ATM: variants seen among roughly 807,000 people sequenced by gnomAD.
ATM encodes the protein serine-protein kinase ATM.
Under a neutral mutation model 387.0 loss-of-function variants are expected in ATM, and 308 were observed. The ratio of observed to expected loss-of-function variants is 0.80; its 90% confidence interval spans 0.73 to 0.87. The LOEUF (loss-of-function observed/expected upper bound fraction) is 0.87. Ranked by LOEUF, ATM falls within the 40% of genes least tolerant of loss-of-function variation. ATM has a pLI of 0.00. For synonymous variants in ATM, 1,156 were observed against 1,187.3 expected (o/e 0.97, Z 0.54); for missense variants, 3,312 against 3,560.9 (o/e 0.93, Z 1.78).
At chr11:108,291,566 T>G (rs1320378519) in intron 29 of ATM, among the ~76,000 whole-genome samples, 1 of 152,208 alleles carries the variant, frequency 6.6e-6, no homozygotes, top group Non-Finnish European at 1.5e-5. Context: ...CTCAATGAAT[T>G]TGCCTATTGT....
chr11:108,273,603 A>G (rs1437092676), intron 22 of ATM, among the ~76,000 whole-genome samples: 1 of 151,648 alleles, frequency 6.6e-6, no homozygotes, highest in Non-Finnish European at 1.5e-5. Flanking sequence ...TGTCCTCCCA[A>G]AGTGCTGAGA....
chr11:108,250,582 A>G (rs866230078), intron 9 of ATM, 119 bp from the exon 10 acceptor site: 43 of 1,133,516 alleles, frequency 3.8e-5, no homozygotes, highest in African/African-American at 6.3e-5. Context: ...TTAGAGTACT[A>G]TGGAAATGAT....
intron 56 of ATM, 108 bp from the exon 57 acceptor site, chr11:108,343,114 A>T: frequency 7.2e-7 from 1 of 1,380,474 alleles, no homozygotes; most frequent in Non-Finnish European, 1.0e-6. Flanking sequence ...GAGAAATATT[A>T]ATACAACTTG....
chr11:108,353,950 T>A (rs2089541245), intron 60 of ATM, 70 bp downstream of exon 60: 1 of 1,441,114 alleles, frequency 6.9e-7, no homozygotes, highest in Non-Finnish European at 9.7e-7. Context: ...GCATGGTTCT[T>A]TGCACCTGTA....
Position 108,334,795 on chromosome 11 carries a change from G to C in ATM, c.8011-174G>C, listed in dbSNP as rs55747531. On this transcript the variant is annotated intron_variant, in intron 54 of 62. Coordinates refer to ENST00000675843, the MANE Select transcript of ATM (RefSeq NM_000051.4). ...TTAGTGAATCTTTGATGAAACAGTAGTTAAAGTTACGAGCGTGAGCCACCA... is the reference window on the plus strand; with the variant it reads ...TTAGTGAATCTTTGATGAAACAGTACTTAAAGTTACGAGCGTGAGCCACCA... 2.4e-3 allele frequency among the ~76,000 whole-genome samples: 365 copies of C among 152,284 alleles called. 2 individuals are homozygous for C. In the East Asian group the frequency reaches 0.04, roughly 17 times the overall value.
chr11:108,272,291 C>A lies in ATM; in HGVS notation c.3078-241C>A, dbSNP rs542764948. The stretch of plus-strand genomic sequence containing the variant: ...ATGTAGTTTAGCCATTCTATGGTAG[C>A]CCCCAAAAAAGGACATAATGGTATA... On this transcript the variant is annotated intron_variant, in intron 20 of 62. Transcript: ENST00000675843. Among the ~76,000 whole-genome samples, 140 of 152,116 alleles carry A rather than the reference C, an allele frequency of 9.2e-4. 2 individuals are homozygous for A. In the Middle Eastern group the frequency reaches 0.034, roughly 37 times the overall value.
At chr11:108,353,262 T>C (rs1403973221) in intron 59 of ATM, among the ~76,000 whole-genome samples, 1 of 152,056 alleles carries the variant, frequency 6.6e-6, no homozygotes, top group African/African-American at 2.4e-5. Context: ...GATTCTCCTG[T>C]CTCAGCCTCC....
chr11:108,355,990 G>A (rs950453645), intron 61 of ATM: 7 of 152,110 alleles, frequency 4.6e-5, no homozygotes, highest in East Asian at 1.9e-4. Context: ...CCAATAATAC[G>A]TTGGTAAAAT....
chr11:108,301,859 G>C (rs1039693154), intron 35 of ATM, 70 bp downstream of exon 35: 2 of 1,537,200 alleles, frequency 1.3e-6, no homozygotes, highest in African/African-American at 2.7e-5. Context: ...TGTGGGTCAT[G>C]ACTGTTAAAT....
chr11:108,320,174 T>C, intron 44 of ATM, 116 bp downstream of exon 44: 1 of 780,736 alleles, frequency 1.3e-6, no homozygotes, highest in Non-Finnish European at 2.2e-6. Flanking sequence ...GATAAAGACT[T>C]GGTGGCTGTG....
intron 59 of ATM, among the ~76,000 whole-genome samples, chr11:108,353,015 T>A (rs2089398959): frequency 6.6e-6 from 1 of 152,182 alleles, no homozygotes; most frequent in Non-Finnish European, 1.5e-5. Flanking sequence ...ATATCTTGAC[T>A]GCATCGATGT....
In ATM at chr11:108,330,233, C is replaced by G. The variant is rs121434220; in HGVS notation, c.7327C>G (p.Arg2443Gly). ...QTNRYTVKVQ[R>G]ELELDELALR... ...TGCAAGATACACAGTAAAGGTTCAG[C>G]GAGAGCTGGAGTTGGATGAATTAGC... Residue 2443 changes from arginine to glycine, a missense_variant, in exon 50 of 63, where the codon CGA (arginine) becomes GGA (glycine). By Grantham distance (125) the Arg-to-Gly change is moderately radical. Transcript: ENST00000675843. 1.2e-6 allele frequency: 2 copies of G among 1,614,054 alleles called. No homozygotes were observed. Among genetic ancestry groups the G allele is most frequent in the Non-Finnish European group, 1.7e-6 (2 of 1,179,964 alleles).
chr11:108,285,873 A>G lies in ATM; in HGVS notation c.3993+1400A>G, dbSNP rs186631963. ...TCTTCTGAGCATTCTTAATCTTACT[A>G]TTCTTTTCTTAATGTATTCAAACCA... is the stretch of plus-strand genomic sequence containing the variant. On this transcript the variant is annotated intron_variant, in intron 26 of 62. Coordinates refer to ENST00000675843, the MANE Select transcript of ATM (RefSeq NM_000051.4). Among the ~76,000 whole-genome samples the G allele has an allele frequency of 1.0e-3, 155 of 152,278 alleles. 1 individual carries two copies. Among genetic ancestry groups the G allele is most frequent in the African/African-American group, 3.6e-3 (148 of 41,556 alleles).
intron 4 of ATM, among the ~76,000 whole-genome samples, chr11:108,234,839 T>TC (rs2079188173): frequency 1.9e-5 from 2 of 103,054 alleles, no homozygotes; most frequent in Non-Finnish European, 4.4e-5. Context: ...AGACCCTGTC[T>TC]TAAAAAAAAA....
At chr11:108,335,346 A>G (rs747763721) in intron 55 of ATM, 198 of 1,247,696 alleles carry the variant, frequency 1.6e-4, no homozygotes, top group Non-Finnish European at 2.1e-4. Context: ...TACCATTAAC[A>G]TGTACAGACA....
At position 108,265,245 on chromosome 11, in the gene ATM, G is replaced by A. The variant is rs1420567064; in HGVS notation, c.2467-1926G>A. Among the ~76,000 whole-genome samples the A allele has an allele frequency of 7.6e-3, 1,160 of 151,716 alleles. 17 individuals are homozygous for A. The highest frequency in any genetic ancestry group is 0.026 in the African/African-American group (1,062 of 41,224). On this transcript the variant is annotated intron_variant, in intron 16 of 62. Coordinates refer to ENST00000675843, the MANE Select transcript of ATM (RefSeq NM_000051.4). ...TGACTTCAAACTATACTACAAGGCT[G>A]CAGTAACCAAAACAGCATGGTACTG...
chr11:108,334,368 T>A (rs1338178036), intron 54 of ATM, among the ~76,000 whole-genome samples: 1 of 152,146 alleles, frequency 6.6e-6, no homozygotes, highest in Non-Finnish European at 1.5e-5. Flanking sequence ...CAGTATTAAG[T>A]AATATAGTAT....
chr11:108,271,759 T>C (rs2081595854), intron 20 of ATM, among the ~76,000 whole-genome samples: 1 of 152,254 alleles, frequency 6.6e-6, no homozygotes, highest in Non-Finnish European at 1.5e-5. Context: ...ATGCATATTG[T>C]CACATTCCAA....
At chr11:108,306,735 C>T (rs1417837063) in intron 37 of ATM, among the ~76,000 whole-genome samples, 1 of 152,088 alleles carries the variant, frequency 6.6e-6, no homozygotes, top group Non-Finnish European at 1.5e-5. Flanking sequence ...GGCTATAAGC[C>T]TCATTGCCTT....
Sources: gnomAD v4.1 joint callset for allele counts (sites outside exome capture counted in the v4.1 genomes callset) on GRCh38, gnomAD v4.1.1 for gene constraint, MANE v1.5 for transcripts, NCBI Gene and HGNC (gene_info 2026-07-23, HGNC 2026-07-21) for gene names.